Variants in STIMATE observed in about 807,000 individuals in gnomAD.
STIMATE encodes the protein store-operated calcium entry regulator STIMATE.
In STIMATE, 15 loss-of-function variants were observed where a neutral mutation model predicts 36.7. The ratio of observed to expected loss-of-function variants is 0.41; its 90% CI spans 0.27 to 0.63. STIMATE has a LOEUF of 0.63. Ranked by LOEUF, STIMATE falls within the 20% of genes least tolerant of loss-of-function variation. The pLI is 0.32. For missense variants in STIMATE, 305 were observed against 397.3 expected (o/e 0.77, Z 1.98); for synonymous variants, 163 against 162.3 (o/e 1.00, Z -0.03).
chr3:52,836,963 C>A lies in STIMATE; in HGVS notation c.*3531G>T, dbSNP rs573367360. ...AAAATCAAATTTAAAACAACCCAACCAACCAACCACCAACCAACCCAGGAG... is the reference window on the plus strand; with the variant it reads ...AAAATCAAATTTAAAACAACCCAACAAACCAACCACCAACCAACCCAGGAG... On this transcript the variant is annotated 3_prime_UTR_variant, in exon 8 of 8. Transcript: ENST00000355083. 30 of 194,622 alleles carry A rather than the reference C, an allele frequency of 1.5e-4. No homozygotes were observed. The highest frequency in any genetic ancestry group is 2.5e-4 in the Non-Finnish European group (23 of 92,558). The allele number at this position is 194,622 out of a possible 1,614,324, so 12.1% of individuals were successfully genotyped here. A position where few individuals can be genotyped will look rare whatever the true frequency, so the allele number is the denominator to read the frequency against.
chr3:52,865,224 C>T (rs1668361376), intron 1 of STIMATE, among the ~76,000 whole-genome samples: 2 of 152,186 alleles, frequency 1.3e-5, no homozygotes, highest in Admixed American at 6.5e-5. Flanking sequence ...GGATTACAAG[C>T]GTGAGCCACG....
chr3:52,857,103 G>T (rs1447848341), intron 1 of STIMATE, among the ~76,000 whole-genome samples: 1 of 152,208 alleles, frequency 6.6e-6, no homozygotes, highest in African/African-American at 2.4e-5. Context: ...GACAGGGAAG[G>T]AGAAAATGGT....
chr3:52,871,339 C>T (rs920155005), intron 1 of STIMATE, among the ~76,000 whole-genome samples: 3 of 152,066 alleles, frequency 2.0e-5, no homozygotes, highest in African/African-American at 7.3e-5. Flanking sequence ...CTCGGTGCAG[C>T]GGGGGAGCAG....
chr3:52,853,858 A>T (rs1701049511), intron 2 of STIMATE, among the ~76,000 whole-genome samples: 1 of 152,242 alleles, frequency 6.6e-6, no homozygotes, highest in South Asian at 2.1e-4. Flanking sequence ...TTGTTAGGAA[A>T]TGTAGAAGCC....
chr3:52,890,795 C>G (rs79925876), intron 1 of STIMATE, among the ~76,000 whole-genome samples: 3,711 of 152,302 alleles, frequency 0.024, 177 homozygotes, highest in African/African-American at 0.085. Context: ...AGCAGGTAAC[C>G]TGAAGCCACC....
intron 1 of STIMATE, chr3:52,896,028 G>C (rs764097742): frequency 2.8e-6 from 3 of 1,085,942 alleles, no homozygotes; most frequent in Non-Finnish European, 3.7e-6. Flanking sequence ...GAAAGAAAAA[G>C]TGGCAAACAT....
rs551649693 is a variant in STIMATE at position 52,863,375 on chromosome 3, A to G, written c.161-7931T>C. Among the ~76,000 whole-genome samples the G allele has an allele frequency of 5.3e-5, 8 of 152,332 alleles. No individual in the cohort carries two copies. In the East Asian group the frequency reaches 1.5e-3, roughly 29 times the overall value. On this transcript the variant is annotated intron_variant, in intron 1 of 7. Transcript: ENST00000355083. ...AATGGAAACCTCTGATAAAATCATC[A>G]GATCTTGTGAGACTTATTCACTACC... is the stretch of plus-strand genomic sequence containing the variant.
chr3:52,843,086 T>C (rs1185756890), intron 6 of STIMATE, 126 bp from the exon 7 acceptor site: 3 of 1,463,856 alleles, frequency 2.0e-6, no homozygotes, highest in African/African-American at 2.8e-5. Flanking sequence ...AAAAACCCAA[T>C]CCAATCACCC....
At chr3:52,855,284 C>A (rs2106673650) in intron 2 of STIMATE, 112 bp downstream of exon 2, 5 of 1,289,704 alleles carry the variant, frequency 3.9e-6, no homozygotes, top group Non-Finnish European at 4.3e-6. Flanking sequence ...TATTATGTAT[C>A]ATTTCTCACA....
chr3:52,843,215 A>G, intron 6 of STIMATE: 1 of 612,074 alleles, frequency 1.6e-6, no homozygotes, highest in Non-Finnish European at 2.6e-6. Flanking sequence ...ACTAGGGGGA[A>G]CAGCCTGTTT....
In STIMATE at chr3:52,891,549, GCCGGT is replaced by G. The variant is rs1248176782; in HGVS notation, c.160+5737_160+5741del. ...CTCTCAGAGCCCACATGAGGGCCCT[GCCGGT>G]AAAAACACAAGAAAGATTAGGTCAA... On this transcript the variant is annotated intron_variant, in intron 1 of 7. Transcript: ENST00000355083. Among the ~76,000 whole-genome samples the G allele has an allele frequency of 2.6e-5, 4 of 152,320 alleles. No individual in the cohort carries two copies. In the East Asian group the frequency reaches 7.7e-4, roughly 29 times the overall value.
At chr3:52,890,098 C>A (rs544458471) in intron 1 of STIMATE, among the ~76,000 whole-genome samples, 1 of 152,270 alleles carries the variant, frequency 6.6e-6, no homozygotes, top group Admixed American at 6.5e-5. Context: ...TTCCTCGAGT[C>A]CCCAGGCGGA....
rs2336157 is a variant in STIMATE, at chr3:52,839,023, T to C, written c.*1471A>G. On this transcript the variant is annotated 3_prime_UTR_variant, in exon 8 of 8. Coordinates refer to ENST00000355083, the MANE Select transcript of STIMATE (RefSeq NM_198563.5). ...ACCAAGCAGTGCCCCTACCTTGCTG[T>C]TTCCACAGCAGGGAAACGGCTGGGG... The C allele has an allele frequency of 0.92, 140,333 of 152,202 alleles. 65,773 individuals carry two copies. Among genetic ancestry groups the C allele is most frequent in the East Asian group, 1 (5,144 of 5,144 alleles). The allele number at this position is 152,202 out of a possible 1,614,324, so 9.4% of individuals were successfully genotyped here.
At chr3:52,875,685 A>G (rs1471713424) in intron 1 of STIMATE, among the ~76,000 whole-genome samples, 1 of 152,244 alleles carries the variant, frequency 6.6e-6, no homozygotes, top group East Asian at 1.9e-4. Flanking sequence ...TAAGTCCAGA[A>G]GCCAAAGGAC....
Position 52,840,604 on chromosome 3 carries a change from T to C in STIMATE, c.775A>G (p.Ile259Val). The C allele has an allele frequency of 1.1e-5, 18 of 1,613,090 alleles. No homozygotes were observed. The highest frequency in any genetic ancestry group is 1.5e-5 in the Non-Finnish European group (18 of 1,179,638). Residue 259 changes from isoleucine (I) to valine (V), a missense_variant, in exon 8 of 8, where the codon ATC becomes GTC. Around this residue, in one of 3 missense-constraint regions of STIMATE, gnomAD observed 84 missense variants for 82.4 expected, o/e 1.02. Transcript: ENST00000355083. ...TCCTCCATCTCATCATCCGCTGAGA[T>C]CAGGATCTGAGGCAGTAGAGAGGCA... ...SHEESESEIL[I>V]SADDEMEESD...
In STIMATE at chr3:52,887,994, G is replaced by GTTT. The variant is rs71087029; in HGVS notation, c.160+9294_160+9296dup. ...GCTCTAACTTCATATAACAGAATCA[G>GTTT]TTTTTTTTTTTTTTTTTTTTTTTTT... On this transcript the variant is annotated intron_variant, in intron 1 of 7. Coordinates refer to ENST00000355083, the MANE Select transcript of STIMATE (RefSeq NM_198563.5). 1.3e-3 allele frequency among the ~76,000 whole-genome samples: 67 copies of GTTT among 52,704 alleles called. 14 individuals are homozygous for GTTT. Among genetic ancestry groups the GTTT allele is most frequent in the African/African-American group, 2.0e-3 (28 of 14,290 alleles). The allele number at this position is 52,704 out of a possible 152,430, so 34.6% of individuals were successfully genotyped here.
chr3:52,897,304 G>A lies in STIMATE; in HGVS notation c.147C>T (p.Phe49=), dbSNP rs761786648. The A allele has an allele frequency of 1.3e-6, 2 of 1,554,304 alleles. No individual in the cohort carries two copies. Among genetic ancestry groups the A allele is most frequent in the East Asian group, 2.4e-5 (1 of 41,998 alleles). ...TCCCAGACTCACGCATTAACGTGCT[G>A]AAGGCCACGACGCCGAGCAGCCCCT... is the stretch of plus-strand genomic sequence containing the variant. ...FLQGLLGVVA[F]STLMLKRFRE... Residue 49 remains phenylalanine, a synonymous_variant, in exon 1 of 8, where the codon TTC becomes TTT. Coordinates refer to ENST00000355083, the MANE Select transcript of STIMATE (RefSeq NM_198563.5).
At chr3:52,846,432 C>G (rs1700903352) in intron 4 of STIMATE, 2 of 152,208 alleles carry the variant, frequency 1.3e-5, no homozygotes, top group Non-Finnish European at 1.5e-5. Flanking sequence ...GACAGTTGGA[C>G]AGAAAGCGCC....
At chr3:52,847,920 C>T (rs560406368) in intron 4 of STIMATE, among the ~76,000 whole-genome samples, 5 of 152,036 alleles carry the variant, frequency 3.3e-5, no homozygotes, top group Admixed American at 1.3e-4. Context: ...GCTTGGACGA[C>T]GGAAGGAGGG....
Sources: allele counts gnomAD v4.1 joint callset (sites outside exome capture counted in the v4.1 genomes callset), GRCh38; gene constraint gnomAD v4.1.1; regional missense constraint gnomAD v4.1.1; transcripts MANE v1.5; gene names NCBI Gene and HGNC (gene_info 2026-07-23, HGNC 2026-07-21).